CDC14B: variants seen among roughly 807,000 people sequenced by gnomAD.
The protein encoded by CDC14B is dual specificity protein phosphatase CDC14B.
Under a neutral mutation model 64.2 loss-of-function variants are expected in CDC14B, and 22 were observed. The observed-to-expected ratio is 0.34, with a 90% CI of 0.24 to 0.49. The LOEUF (loss-of-function observed/expected upper bound fraction) is 0.49. CDC14B is among the 20% of genes least tolerant of loss of function. CDC14B has a pLI of 0.99. For synonymous variants in CDC14B, 191 were observed against 215.8 expected, an observed-to-expected ratio of 0.89 and a Z score of 1.01; for missense variants, 498 against 629.9, an observed-to-expected ratio of 0.79 and a Z score of 2.24.
chr9:96,507,803 C>T (rs778066330), intron 13 of CDC14B, among the ~76,000 whole-genome samples: 3 of 151,824 alleles, frequency 2.0e-5, no homozygotes, highest in Admixed American at 6.6e-5. Context: ...GAAAATAAGA[C>T]GATAAAAAAG....
At chr9:96,529,145 T>C (rs1199324512) in intron 9 of CDC14B, among the ~76,000 whole-genome samples, 1 of 152,218 alleles carries the variant, frequency 6.6e-6, no homozygotes, top group Non-Finnish European at 1.5e-5. Flanking sequence ...TTTGGTGTCA[T>C]ATTACTGCCA....
chr9:96,596,154 GAGTTTGAGACT>G (rs1846058362), intron 1 of CDC14B, among the ~76,000 whole-genome samples: 1 of 151,988 alleles, frequency 6.6e-6, no homozygotes, highest in Non-Finnish European at 1.5e-5. Flanking sequence ...ATGAGGTCAG[GAGTTTGAGACT>G]AGCCTGGCCA....
intron 1 of CDC14B, among the ~76,000 whole-genome samples, chr9:96,590,998 A>G (rs1486533195): frequency 2.6e-5 from 4 of 152,124 alleles, no homozygotes; most frequent in Non-Finnish European, 4.4e-5. Flanking sequence ...TATATATTGT[A>G]TATATTAGCC....
intron 1 of CDC14B, among the ~76,000 whole-genome samples, chr9:96,616,151 C>T (rs556081246): frequency 7.2e-5 from 11 of 152,018 alleles, no homozygotes; most frequent in African/African-American, 2.7e-4. Context: ...CATAGTGAAA[C>T]CCCATCTCTA....
Position 96,589,296 on chromosome 9 carries a change from G to A in CDC14B, c.161-23813C>T, listed in dbSNP as rs189560003. Among the ~76,000 whole-genome samples, 269 of 151,458 alleles carry A rather than the reference G, an allele frequency of 1.8e-3. 2 individuals are homozygous for A. Among genetic ancestry groups the A allele is most frequent in the South Asian group, 0.011 (54 of 4,784 alleles). ...ACAGGCTGCAGTGAGCTGAGATTGC[G>A]CCATTGCACTCCAGCCTGGGCAACA... On this transcript the variant is annotated intron_variant, in intron 1 of 13. Transcript: ENST00000375241.
chr9:96,531,875 G>A (rs1387608678), intron 9 of CDC14B, among the ~76,000 whole-genome samples: 1 of 151,954 alleles, frequency 6.6e-6, no homozygotes, highest in Non-Finnish European at 1.5e-5. Context: ...AAATGGCTGT[G>A]TGTTACTGTC....
chr9:96,534,395 G>T, intron 8 of CDC14B, 60 bp downstream of exon 8: 1 of 1,265,970 alleles, frequency 7.9e-7, no homozygotes, highest in South Asian at 1.2e-5. Flanking sequence ...TCTTTCAAAA[G>T]AAAATATAGG....
At chr9:96,495,324 C>G (rs1236011800), downstream of CDC14B, among the ~76,000 whole-genome samples, 1 of 151,596 alleles carries the variant, frequency 6.6e-6, no homozygotes, top group Non-Finnish European at 1.5e-5. Context: ...TCTCAAGAAC[C>G]ACCACCCTGC....
At chr9:96,592,043 C>G (rs1470884801) in intron 1 of CDC14B, among the ~76,000 whole-genome samples, 1 of 152,160 alleles carries the variant, frequency 6.6e-6, no homozygotes, top group Non-Finnish European at 1.5e-5. Flanking sequence ...CAGCGCCCGG[C>G]CTGTCTTTAA....
chr9:96,584,256 A>T (rs1845338025), intron 1 of CDC14B, among the ~76,000 whole-genome samples: 1 of 152,146 alleles, frequency 6.6e-6, no homozygotes, highest in Non-Finnish European at 1.5e-5. Context: ...ACTTGGTAGC[A>T]GTGTTGTGGG....
At chr9:96,494,584 G>A (rs1337436259) in intron 13 of CDC14B, among the ~76,000 whole-genome samples, 1 of 152,134 alleles carries the variant, frequency 6.6e-6, no homozygotes, top group East Asian at 1.9e-4. Flanking sequence ...GACTCTAGAT[G>A]ACAGGAATTT....
At chr9:96,541,983 G>C in intron 5 of CDC14B, 91 bp from the exon 6 acceptor site, 1 of 810,522 alleles carries the variant, frequency 1.2e-6, no homozygotes, top group Non-Finnish European at 2.0e-6. Flanking sequence ...AAAATCAAAT[G>C]TACACTCTGA....
At chr9:96,558,122 T>C (rs1842720553) in intron 4 of CDC14B, among the ~76,000 whole-genome samples, 1 of 151,906 alleles carries the variant, frequency 6.6e-6, no homozygotes, top group South Asian at 2.1e-4. Context: ...AGGCCAAGAG[T>C]AGAATAAGGG....
At chr9:96,538,989 G>A in intron 7 of CDC14B, 89 bp downstream of exon 7, 1 of 813,978 alleles carries the variant, frequency 1.2e-6, no homozygotes, top group South Asian at 1.4e-5. Context: ...TACATCTTAA[G>A]TATATATAAG....
At chr9:96,494,876 C>T (rs1486365420) in intron 13 of CDC14B, among the ~76,000 whole-genome samples, 2 of 149,948 alleles carry the variant, frequency 1.3e-5, no homozygotes, top group East Asian at 2.0e-4. Context: ...GCTCTGTCGC[C>T]CAGGCTGCAG....
intron 12 of CDC14B, among the ~76,000 whole-genome samples, chr9:96,516,547 T>C (rs1313408491): frequency 3.3e-5 from 5 of 152,138 alleles, no homozygotes; most frequent in Admixed American, 3.3e-4. Context: ...TGGCGTGATT[T>C]TGGCTCACTG....
Position 96,515,660 on chromosome 9 carries a change from G to A in CDC14B, c.1344-5871C>T. ...AACGGGACACTTACAGCAGCTATCT[G>A]TCAGGGGGTCCTGATGGCTACTGTG... On this transcript the variant is annotated intron_variant, in intron 12 of 13. Coordinates refer to ENST00000375241, the MANE Select transcript of CDC14B (RefSeq NM_033331.4). The surrounding 1 kb of genome is among the most constrained non-coding windows in gnomAD (Gnocchi z 4.3). 1 of 1,577,370 alleles carries A rather than the reference G, an allele frequency of 6.3e-7. No individual in the cohort carries two copies. Among genetic ancestry groups the A allele is most frequent in the Non-Finnish European group, 8.6e-7 (1 of 1,161,870 alleles).
chr9:96,566,907 A>C (rs1844078850), intron 1 of CDC14B: 1 of 1,544,986 alleles, frequency 6.5e-7, no homozygotes, highest in African/African-American at 1.4e-5. Flanking sequence ...AAGTTTAAAA[A>C]ACAAAGTTTA....
At chr9:96,537,732 CTTTTT>C (rs948678724) in intron 7 of CDC14B, among the ~76,000 whole-genome samples, 1 of 151,782 alleles carries the variant, frequency 6.6e-6, no homozygotes, top group African/African-American at 2.4e-5. Context: ...AAATTTTTCC[CTTTTT>C]TTTGAGACAG....
Sources: allele counts gnomAD v4.1 joint callset (sites outside exome capture counted in the v4.1 genomes callset), GRCh38; gene constraint gnomAD v4.1.1; non-coding constraint Gnocchi (gnomAD v3.1); transcripts MANE v1.5; gene names NCBI Gene and HGNC (gene_info 2026-07-23, HGNC 2026-07-21).